The following TENM3 variants were observed in gnomAD, a reference collection of about 807,000 sequenced individuals.
The protein encoded by TENM3 is teneurin-3.
Under a neutral mutation model 255.1 loss-of-function variants are expected in TENM3, and 63 were observed. The observed-to-expected ratio is 0.25, with a 90% CI of 0.20 to 0.30. The LOEUF is 0.30. Ranked by LOEUF, TENM3 falls within the 10% of genes least tolerant of loss-of-function variation. The pLI is 1.00. For synonymous variants in TENM3, 1,306 were observed against 1,322.3 expected, an observed-to-expected ratio of 0.99 and a Z score of 0.27; for missense variants, 2,929 against 3,461.1, an observed-to-expected ratio of 0.85 and a Z score of 3.86.
intron 3 of TENM3, among the ~76,000 whole-genome samples, chr4:182,578,253 G>A (rs1745135213): frequency 6.6e-6 from 1 of 152,138 alleles, no homozygotes; most frequent in Non-Finnish European, 1.5e-5. Flanking sequence ...GGGATTACAG[G>A]CGTGAGCCAC....
chr4:182,543,411 G>A (rs1741098469), intron 3 of TENM3, among the ~76,000 whole-genome samples: 1 of 152,162 alleles, frequency 6.6e-6, no homozygotes, highest in Admixed American at 6.5e-5. Flanking sequence ...TCTATTTGGA[G>A]GTTACATGTA....
chr4:182,000,819 G>A, the TENM3 span, among the ~76,000 whole-genome samples: 5 of 149,970 alleles, frequency 3.3e-5, no homozygotes, highest in African/African-American at 1.3e-4. Context: ...AGAACTATCT[G>A]TTAAGTCCAG....
At chr4:182,492,202 C>T (rs1455712719) in intron 3 of TENM3, among the ~76,000 whole-genome samples, 5 of 152,070 alleles carry the variant, frequency 3.3e-5, no homozygotes, top group South Asian at 2.1e-4. Flanking sequence ...TTTGAAGCCA[C>T]GTTAGAATTA....
chr4:182,236,218 A>C (rs1201916736), intron 1 of TENM3, among the ~76,000 whole-genome samples: 1 of 152,188 alleles, frequency 6.6e-6, no homozygotes, highest in Non-Finnish European at 1.5e-5. Context: ...AGTAATATAT[A>C]ATTATCCTGA....
At chr4:182,731,541 C>T (rs1760707209) in intron 16 of TENM3, among the ~76,000 whole-genome samples, 1 of 151,660 alleles carries the variant, frequency 6.6e-6, no homozygotes, top group Admixed American at 6.6e-5. Context: ...CAAAAAAACC[C>T]ACGGATTATA....
chr4:181,490,264 T>C, the TENM3 span, among the ~76,000 whole-genome samples: 1 of 152,202 alleles, frequency 6.6e-6, no homozygotes, highest in Admixed American at 6.5e-5. Flanking sequence ...ATTTTTTGTT[T>C]GCAGTTTCAT....
intron 2 of TENM3, among the ~76,000 whole-genome samples, chr4:182,335,185 T>C (rs1764024557): frequency 6.7e-6 from 1 of 149,148 alleles, no homozygotes; most frequent in Non-Finnish European, 1.5e-5. Flanking sequence ...CTGTTATACT[T>C]GACCATACTT....
At chr4:182,133,653 T>C in the TENM3 span, among the ~76,000 whole-genome samples, 1 of 152,132 alleles carries the variant, frequency 6.6e-6, no homozygotes, top group South Asian at 2.1e-4. Flanking sequence ...TCTTAGAAAA[T>C]ATAATCCAAA....
chr4:181,713,465 A>G, the TENM3 span, among the ~76,000 whole-genome samples: 1 of 152,182 alleles, frequency 6.6e-6, no homozygotes, highest in Non-Finnish European at 1.5e-5. Context: ...GAGGTATTGT[A>G]GTATCTCCTT....
At chr4:182,323,161 TAG>T (rs915358792) in intron 1 of TENM3, among the ~76,000 whole-genome samples, 8 of 151,994 alleles carry the variant, frequency 5.3e-5, no homozygotes, top group South Asian at 2.1e-4. Flanking sequence ...ATTCAGGAAA[TAG>T]AGAGTTTTTA....
the TENM3 span, among the ~76,000 whole-genome samples, chr4:181,804,319 T>A: frequency 6.6e-6 from 1 of 152,238 alleles, no homozygotes; most frequent in Admixed American, 6.5e-5. Context: ...CAATTCTAAC[T>A]GGTTTGCAAA....
chr4:182,534,361 A>T (rs1740073462), intron 3 of TENM3, among the ~76,000 whole-genome samples: 1 of 152,226 alleles, frequency 6.6e-6, no homozygotes, highest in Admixed American at 6.5e-5. Context: ...CAAAGTTGAG[A>T]AAAAAGATGA....
chr4:182,061,346 C>A, the TENM3 span, among the ~76,000 whole-genome samples: 1 of 152,086 alleles, frequency 6.6e-6, no homozygotes, highest in Non-Finnish European at 1.5e-5. Flanking sequence ...GCTTTTCTAT[C>A]TTGTTGCACT....
chr4:182,333,939 A>C (rs922777352), intron 2 of TENM3, among the ~76,000 whole-genome samples: 1 of 152,206 alleles, frequency 6.6e-6, no homozygotes, highest in African/African-American at 2.4e-5. Flanking sequence ...TTCTGAATCC[A>C]CATGACCTGT....
chr4:181,885,274 T>C, the TENM3 span, among the ~76,000 whole-genome samples: 5 of 152,098 alleles, frequency 3.3e-5, no homozygotes, highest in African/African-American at 4.8e-5. Flanking sequence ...AGTTTGCTTG[T>C]TTGTTTTGAG....
chr4:182,570,037 A>G lies in TENM3; in HGVS notation c.512-30887A>G, dbSNP rs1018007006. Reference sequence around the variant, plus strand: ...GCTACTAGAAAATTTTAAATTATGTATATGGCTCAAGAACATATTTCTTTT... The same window carrying G: ...GCTACTAGAAAATTTTAAATTATGTGTATGGCTCAAGAACATATTTCTTTT... On this transcript the variant is annotated intron_variant, in intron 3 of 27. Transcript: ENST00000511685. Among the ~76,000 whole-genome samples, 4 of 152,246 alleles carry G rather than the reference A, an allele frequency of 2.6e-5. No homozygotes were observed. The East Asian group carries it at 7.7e-4, about 29-fold the overall frequency.
intron 24 of TENM3, among the ~76,000 whole-genome samples, chr4:182,783,282 CT>C (rs1765333296): frequency 6.6e-6 from 1 of 152,022 alleles, no homozygotes; most frequent in African/African-American, 2.4e-5. Context: ...ATTTGCTTGT[CT>C]GCAAAGTATT....
chr4:182,003,524 G>A, the TENM3 span, among the ~76,000 whole-genome samples: 1 of 151,932 alleles, frequency 6.6e-6, no homozygotes, highest in African/African-American at 2.4e-5. Flanking sequence ...GTAAAATTTG[G>A]ACAACATTGT....
chr4:182,236,608 G>A lies in TENM3; in HGVS notation c.-75-87338G>A, dbSNP rs549970245. On this transcript the variant is annotated intron_variant, in intron 1 of 2. Transcript: ENST00000512480. Reference sequence around the variant, plus strand: ...TTAATGGGAAATGTATACGGAAAATGTATGTTAAATAATATGTATGTGAAA... The same window carrying A: ...TTAATGGGAAATGTATACGGAAAATATATGTTAAATAATATGTATGTGAAA... Among the ~76,000 whole-genome samples, 7 of 152,274 alleles carry A rather than the reference G, an allele frequency of 4.6e-5. No homozygotes were observed. The South Asian group carries it at 6.2e-4, about 14-fold the overall frequency.
Sources: gnomAD v4.1 joint callset for allele counts (sites outside exome capture counted in the v4.1 genomes callset) on GRCh38, gnomAD v4.1.1 for gene constraint, MANE v1.5 for transcripts, NCBI Gene and HGNC (gene_info 2026-07-23, HGNC 2026-07-21) for gene names.